MYRIP: variants seen among roughly 807,000 people sequenced by gnomAD.
MYRIP encodes myosin VIIA and Rab interacting protein.
A neutral mutation model predicts 98.0 loss-of-function variants in MYRIP; 49 were observed. That is an observed-to-expected ratio of 0.50 (90% CI 0.40 to 0.63). MYRIP has a LOEUF of 0.63. Among genes scored for constraint, MYRIP ranks in the 30% least tolerant of loss-of-function variants. The pLI is 0.00. For missense variants in MYRIP, 1,004 were observed against 1,058.2 expected, an observed-to-expected ratio of 0.95 and a Z score of 0.71; for synonymous variants, 404 against 409.5, an observed-to-expected ratio of 0.99 and a Z score of 0.16.
chr3:39,951,063 C>T (rs775529571), intron 2 of MYRIP, among the ~76,000 whole-genome samples: 2 of 152,120 alleles, frequency 1.3e-5, no homozygotes, highest in Non-Finnish European at 1.5e-5. Flanking sequence ...CCATATGGGT[C>T]CCTTCTCTTC....
In MYRIP at chr3:40,189,965, C is replaced by G; in HGVS notation, c.1167C>G (p.Ala389=). 2.5e-6 allele frequency: 4 copies of G among 1,614,132 alleles called. No individual in the cohort carries two copies. Among genetic ancestry groups the G allele is most frequent in the Non-Finnish European group, 3.4e-6 (4 of 1,180,030 alleles). ...ALEVASSVAS[A]YDEMGSDSEE... is the part of the protein sequence containing the mutation. ...AGGTGGCCTCCAGTGTGGCATCTGC[C>G]TACGATGAGATGGGCTCCGATAGCG... is the stretch of plus-strand genomic sequence containing the variant. The change falls in exon 10 of 17, where the codon GCC becomes GCG. Residue 389 remains alanine, a synonymous_variant. Coordinates refer to ENST00000302541, the MANE Select transcript of MYRIP (RefSeq NM_015460.4).
At chr3:40,156,176 G>A (rs1475195718) in intron 4 of MYRIP, among the ~76,000 whole-genome samples, 2 of 151,626 alleles carry the variant, frequency 1.3e-5, no homozygotes, top group African/African-American at 4.8e-5. Context: ...TGTATAAGGT[G>A]TAAGGAAGGG....
chr3:40,078,406 A>G (rs182854524), intron 3 of MYRIP, among the ~76,000 whole-genome samples: 114 of 152,312 alleles, frequency 7.5e-4, no homozygotes, highest in African/African-American at 2.7e-3. Flanking sequence ...AAGTGCCGCC[A>G]AAGTGGGAGC....
At chr3:40,251,574 A>G (rs1487635932) in intron 15 of MYRIP, among the ~76,000 whole-genome samples, 3 of 152,240 alleles carry the variant, frequency 2.0e-5, no homozygotes, top group African/African-American at 7.2e-5. Context: ...TTTTGGCTCC[A>G]AAGTTGTAAA....
At chr3:39,881,697 C>A (rs1380656639) in intron 1 of MYRIP, among the ~76,000 whole-genome samples, 4 of 152,242 alleles carry the variant, frequency 2.6e-5, no homozygotes, top group East Asian at 1.9e-4. Context: ...TTCTGCTTCA[C>A]CCTTTATCTT....
chr3:40,183,763 C>A (rs79659877), intron 9 of MYRIP, among the ~76,000 whole-genome samples: 2 of 152,184 alleles, frequency 1.3e-5, no homozygotes, highest in African/African-American at 4.8e-5. Flanking sequence ...CAGATTTAGA[C>A]CCCTTTCCTG....
chr3:40,176,474 G>C (rs193261002), intron 8 of MYRIP, among the ~76,000 whole-genome samples: 1 of 152,314 alleles, frequency 6.6e-6, no homozygotes, highest in East Asian at 1.9e-4. Flanking sequence ...ACAAGGCCAG[G>C]TATGGTGGCT....
At chr3:39,918,298 T>G (rs1944217872) in intron 2 of MYRIP, among the ~76,000 whole-genome samples, 1 of 152,198 alleles carries the variant, frequency 6.6e-6, no homozygotes, top group African/African-American at 2.4e-5. Context: ...TTAATCATAT[T>G]TTCTAACTCT....
intron 2 of MYRIP, among the ~76,000 whole-genome samples, chr3:39,996,149 A>G (rs909506439): frequency 3.3e-5 from 5 of 152,332 alleles, no homozygotes; most frequent in African/African-American, 7.2e-5. Flanking sequence ...ACCAGCTAAC[A>G]TCATAATGAC....
chr3:39,931,939 A>G (rs1944547071), intron 2 of MYRIP, among the ~76,000 whole-genome samples: 1 of 152,140 alleles, frequency 6.6e-6, no homozygotes, highest in Non-Finnish European at 1.5e-5. Context: ...TTGCATCTAT[A>G]TTCGTAAGGA....
chr3:40,057,649 G>A (rs1411598994), intron 3 of MYRIP, among the ~76,000 whole-genome samples: 2 of 152,176 alleles, frequency 1.3e-5, no homozygotes, highest in Admixed American at 1.3e-4. Flanking sequence ...GAATGATGGA[G>A]CCTAAAATAT....
chr3:40,093,384 C>T (rs1050068220), intron 3 of MYRIP, among the ~76,000 whole-genome samples: 2 of 152,228 alleles, frequency 1.3e-5, no homozygotes, highest in Non-Finnish European at 2.9e-5. Flanking sequence ...AAACCCAAGA[C>T]CTCAATCCTC....
intron 3 of MYRIP, among the ~76,000 whole-genome samples, chr3:40,134,868 C>T (rs1949728462): frequency 6.6e-6 from 1 of 152,104 alleles, no homozygotes; most frequent in Non-Finnish European, 1.5e-5. Context: ...ACATCCACAC[C>T]AAAAACCCAT....
At chr3:39,875,627 C>T (rs1220434489) in intron 1 of MYRIP, among the ~76,000 whole-genome samples, 3 of 151,242 alleles carry the variant, frequency 2.0e-5, no homozygotes, top group Admixed American at 6.6e-5. Context: ...GCAGGTTGTT[C>T]AGTTTCCATG....
intron 3 of MYRIP, among the ~76,000 whole-genome samples, chr3:40,115,480 AACTC>A (rs1184909480): frequency 3.3e-5 from 5 of 152,144 alleles, no homozygotes; most frequent in Non-Finnish European, 5.9e-5. Context: ...ATCTCATGAG[AACTC>A]ACTCACTATC....
intron 3 of MYRIP, among the ~76,000 whole-genome samples, chr3:40,101,805 T>G (rs72856907): frequency 6.6e-6 from 1 of 152,154 alleles, no homozygotes. Context: ...TTTATTGTGT[T>G]TGTTTTGGTA....
intron 8 of MYRIP, among the ~76,000 whole-genome samples, chr3:40,171,701 A>G (rs1318891919): frequency 6.6e-6 from 1 of 152,212 alleles, no homozygotes. Context: ...TGTAAAGTGG[A>G]AATAATAAGA....
chr3:40,066,496 G>A (rs1948130562), intron 3 of MYRIP, among the ~76,000 whole-genome samples: 1 of 152,136 alleles, frequency 6.6e-6, no homozygotes, highest in Non-Finnish European at 1.5e-5. Flanking sequence ...GATGAGTACT[G>A]GTTTCAACAC....
intron 3 of MYRIP, among the ~76,000 whole-genome samples, chr3:40,076,425 A>G (rs1485259036): frequency 1.3e-5 from 2 of 152,190 alleles, no homozygotes; most frequent in Non-Finnish European, 1.5e-5. Context: ...TTGGAAAAAA[A>G]TCACATTGCC....
Sources: allele counts gnomAD v4.1 joint callset (sites outside exome capture counted in the v4.1 genomes callset), GRCh38; gene constraint gnomAD v4.1.1; transcripts MANE v1.5; gene names NCBI Gene and HGNC (gene_info 2026-07-23, HGNC 2026-07-21).